HDC: variants seen among roughly 807,000 people sequenced by gnomAD.
HDC encodes the protein histidine decarboxylase.
HDC carries 27 observed loss-of-function variants against 64.4 expected under a neutral mutation model. That is an observed-to-expected ratio of 0.42 (90% CI 0.31 to 0.58). HDC has a LOEUF of 0.58. Ranked by LOEUF, HDC falls within the 20% of genes least tolerant of loss-of-function variation. The probability of loss-of-function intolerance (pLI) is 0.16; values close to 1 mark genes in which losing one functional copy is unlikely to be tolerated. For missense variants in HDC, 711 were observed against 833.9 expected (o/e 0.85, Z 1.81); for synonymous variants, 305 against 314.2 (o/e 0.97, Z 0.31).
chr15:50,249,705 G>A (rs544434016), intron 9 of HDC, among the ~76,000 whole-genome samples: 4 of 152,348 alleles, frequency 2.6e-5, no homozygotes, highest in Admixed American at 2.6e-4. Context: ...ATGAACGGAT[G>A]ATAGGGATCA....
Position 50,258,452 on chromosome 15 carries a change from C to G in HDC, c.270G>C (p.Leu90=), listed in dbSNP as rs2045660639. 1.2e-6 allele frequency: 2 copies of G among 1,613,932 alleles called. No individual in the cohort carries two copies. Among genetic ancestry groups the G allele is most frequent in the Admixed American group, 1.7e-5 (1 of 60,014 alleles). The change falls in exon 3 of 12, where the codon CTG becomes CTC. Residue 90 remains leucine, a synonymous_variant. Transcript: ENST00000267845. ...YYPALTSWPS[L]LGDMLADAIN... ...TGGCATCAGCCAGCATGTCTCCTAG[C>G]AGGGAGGGCCAAGAGGTGAGGGCTG...
intron 1 of HDC, 146 bp downstream of exon 1, chr15:50,265,446 GA>G (rs948050934): frequency 1.3e-4 from 93 of 731,578 alleles, no homozygotes; most frequent in Non-Finnish European, 1.4e-4. Context: ...TCCTTTCGCA[GA>G]AAAAAAAATG....
chr15:50,256,844 C>T (rs2140937963), intron 4 of HDC, among the ~76,000 whole-genome samples: 1 of 152,254 alleles, frequency 6.6e-6, no homozygotes, highest in African/African-American at 2.4e-5. Context: ...GAACCAAGCC[C>T]TCATGAACGT....
chr15:50,253,119 A>G, intron 7 of HDC: 1 of 413,850 alleles, frequency 2.4e-6, no homozygotes, highest in Non-Finnish European at 4.5e-6. Context: ...CAAAAGTTAG[A>G]GGGAAGGTAT....
At chr15:50,254,738 TTCTCTCTCTCTC>T (rs55859417) in intron 4 of HDC, 74 bp from the exon 5 acceptor site, 583 of 865,062 alleles carry the variant, frequency 6.7e-4, no homozygotes, top group African/African-American at 3.0e-3. Context: ...TTCTAGTTTT[TTCTCTCTCTCTC>T]TCTCTCTCTC....
intron 9 of HDC, among the ~76,000 whole-genome samples, chr15:50,251,056 C>G (rs115090084): frequency 6.6e-6 from 1 of 152,238 alleles, no homozygotes; most frequent in Admixed American, 6.5e-5. Flanking sequence ...GGGTCAGACA[C>G]TGCTCTCAGC....
chr15:50,254,404 A>G, intron 5 of HDC, 126 bp downstream of exon 5: 7 of 1,531,960 alleles, frequency 4.6e-6, no homozygotes, highest in Non-Finnish European at 6.3e-6. Context: ...GTTGCTGGAG[A>G]CAAGCTCCCA....
At chr15:50,260,768 C>T (rs2045692594) in intron 2 of HDC, among the ~76,000 whole-genome samples, 2 of 152,158 alleles carry the variant, frequency 1.3e-5, no homozygotes, top group African/African-American at 4.8e-5. Context: ...CCCATAGGGA[C>T]AGGTGACCGC....
rs781338237 is a variant in HDC, at chr15:50,242,099, C to G, written c.*161G>C. 4 of 707,346 alleles carry G rather than the reference C, an allele frequency of 5.7e-6. No individual in the cohort carries two copies. Among genetic ancestry groups the G allele is most frequent in the Non-Finnish European group, 9.9e-6 (4 of 402,328 alleles). 43.8% of individuals were successfully genotyped at this position (707,346 alleles called of 1,614,324 possible). Reference sequence around the variant, plus strand: ...GCTGGCTTAAACTCTTCGTTTGTATCCTATTGTGGGTCATGAACCCCTATG... The same window carrying G: ...GCTGGCTTAAACTCTTCGTTTGTATGCTATTGTGGGTCATGAACCCCTATG... On this transcript the variant is annotated 3_prime_UTR_variant, in exon 12 of 12. Coordinates refer to ENST00000267845, the MANE Select transcript of HDC (RefSeq NM_002112.4).
At chr15:50,257,297 G>T in intron 4 of HDC, 128 bp downstream of exon 4, 2 of 1,131,138 alleles carry the variant, frequency 1.8e-6, no homozygotes, top group South Asian at 1.3e-5. Flanking sequence ...TGATGGTGCT[G>T]TTGGTGATGA....
chr15:50,265,491 T>C, intron 1 of HDC, 102 bp downstream of exon 1: 2 of 1,015,406 alleles, frequency 2.0e-6, no homozygotes, highest in East Asian at 4.8e-5. Context: ...GCAATTCTAA[T>C]GCTCCCATCA....
In HDC at chr15:50,257,683, C is replaced by A. The variant is rs1459662335; in HGVS notation, c.319-136G>T. ...GAAGGGGTCATGTTAGGCCACGTGC[C>A]TCTCTCCTGGTCCACTCTCTGTCAA... On this transcript the variant is annotated intron_variant, in intron 3 of 11. Transcript: ENST00000267845. 15 of 951,550 alleles carry A rather than the reference C, an allele frequency of 1.6e-5. No homozygotes were observed. In the Admixed American group the frequency reaches 2.7e-4, roughly 17 times the overall value. The allele number at this position is 951,550 out of a possible 1,614,324, so 58.9% of individuals were successfully genotyped here. A position where few individuals can be genotyped will look rare whatever the true frequency, so the allele number is the denominator to read the frequency against.
Position 50,257,512 on chromosome 15 carries a change from G to A in HDC, c.354C>T (p.Asn118=), listed in dbSNP as rs1237992967. The A allele has an allele frequency of 4.5e-5, 72 of 1,614,060 alleles. No individual in the cohort carries two copies. Among genetic ancestry groups the A allele is most frequent in the Non-Finnish European group, 5.4e-5 (64 of 1,180,016 alleles). ...SSPACTELEM[N]VMDWLAKMLG... ...GCATTTTTGCCAACCAGTCCATGAC[G>A]TTCATCTCCAGCTCTGTACACGCAG... Residue 118 remains asparagine (N), a synonymous_variant, in exon 4 of 12, where the codon AAC becomes AAT. Transcript: ENST00000267845.
intron 3 of HDC, among the ~76,000 whole-genome samples, chr15:50,258,045 A>C (rs567356860): frequency 1.3e-5 from 2 of 152,292 alleles, no homozygotes; most frequent in Admixed American, 6.5e-5. Context: ...CAAATACAAG[A>C]GCACAGAGGA....
At chr15:50,253,455 A>G (rs981204032) in intron 7 of HDC, 145 bp downstream of exon 7, 20 of 787,688 alleles carry the variant, frequency 2.5e-5, no homozygotes, top group Non-Finnish European at 3.8e-5. Flanking sequence ...AGAGACCCTC[A>G]TGACCTTTGG....
chr15:50,257,281 C>A (rs910828938), intron 4 of HDC, 144 bp downstream of exon 4: 6 of 963,964 alleles, frequency 6.2e-6, no homozygotes, highest in Admixed American at 1.8e-5. Context: ...GAGGTGGAAG[C>A]TGTGATGATG....
In HDC at chr15:50,242,292, G is replaced by C. The variant is rs747121866; in HGVS notation, c.1957C>G (p.Leu653Val). Residue 653 changes from leucine (L) to valine (V), a missense_variant, in exon 12 of 12, where the codon CTG (leucine) becomes GTG (valine). Physicochemically the swap from Leu to Val is conservative, Grantham distance 32 (BLOSUM62 1). Coordinates refer to ENST00000267845, the MANE Select transcript of HDC (RefSeq NM_002112.4). ...ATGGCCTGCAGAGGGCAACAGGGCA[G>C]CTGGAGTCCACATTGAGAGCTGCAT... ...PECSSQCGLQ[L>V]PCCPLQAMV 1.2e-6 allele frequency: 2 copies of C among 1,614,170 alleles called. No homozygotes were observed. The highest frequency in any genetic ancestry group is 3.3e-5 in the Admixed American group (2 of 60,032).
chr15:50,247,748 AG>A (rs1286160005), intron 10 of HDC, among the ~76,000 whole-genome samples: 2 of 152,238 alleles, frequency 1.3e-5, no homozygotes, highest in Admixed American at 1.3e-4. Context: ...TAAGCAAAAT[AG>A]GCCTTCAATA....
At chr15:50,253,989 G>A in intron 6 of HDC, 141 bp downstream of exon 6, 2 of 854,794 alleles carry the variant, frequency 2.3e-6, no homozygotes, top group Middle Eastern at 4.3e-4. Flanking sequence ...CCTATGGATA[G>A]CACCTCATGA....
Sources: gnomAD v4.1 joint callset for allele counts (sites outside exome capture counted in the v4.1 genomes callset) on GRCh38, gnomAD v4.1.1 for gene constraint, MANE v1.5 for transcripts, NCBI Gene and HGNC (gene_info 2026-07-23, HGNC 2026-07-21) for gene names.